The following SLC25A31 variants were observed in gnomAD, a reference collection of about 807,000 sequenced individuals.
The protein encoded by SLC25A31 is solute carrier family 25 member 31.
SLC25A31 carries 40 observed loss-of-function variants against 36.2 expected under a neutral mutation model. That is an observed-to-expected ratio of 1.10 (90% CI 0.86 to 1.44). SLC25A31 has a LOEUF of 1.44. Ranked by LOEUF, SLC25A31 falls within the 40% of genes most tolerant of loss-of-function variation. The pLI, the probability that SLC25A31 is intolerant of heterozygous loss-of-function variation, is 0.00. For synonymous variants in SLC25A31, 143 were observed against 149.7 expected (o/e 0.96, Z 0.32); for missense variants, 350 against 397.1 (o/e 0.88, Z 1.01).
chr4:127,768,731 T>G, intron 4 of SLC25A31, 21 bp from the exon 5 acceptor site: 1 of 1,566,164 alleles, frequency 6.4e-7, no homozygotes. Flanking sequence ...GATAGTTACT[T>G]GGCACATTTT....
At chr4:127,764,691 C>T (rs975783314) in intron 3 of SLC25A31, among the ~76,000 whole-genome samples, 1 of 151,962 alleles carries the variant, frequency 6.6e-6, no homozygotes, top group Non-Finnish European at 1.5e-5. Flanking sequence ...GTTAGATGCA[C>T]AAATCTCATC....
At chr4:127,749,649 C>T (rs566077456) in intron 2 of SLC25A31, among the ~76,000 whole-genome samples, 2 of 147,808 alleles carry the variant, frequency 1.4e-5, no homozygotes, top group South Asian at 4.4e-4. Context: ...GTGGAGATTG[C>T]AGTGAGCTGA....
intron 1 of SLC25A31, among the ~76,000 whole-genome samples, chr4:127,732,751 T>C (rs1414471221): frequency 1.3e-5 from 2 of 152,202 alleles, no homozygotes; most frequent in African/African-American, 2.4e-5. Context: ...TTTTCTATTA[T>C]ATATAAAGCT....
At chr4:127,742,996 A>G (rs1023336102) in intron 1 of SLC25A31, among the ~76,000 whole-genome samples, 1 of 152,030 alleles carries the variant, frequency 6.6e-6, no homozygotes, top group South Asian at 2.1e-4. Context: ...TTCATCTATT[A>G]TAATTTTAGA....
At chr4:127,766,467 A>G (rs114303993) in intron 3 of SLC25A31, among the ~76,000 whole-genome samples, 3,757 of 150,684 alleles carry the variant, frequency 0.025, 142 homozygotes, top group African/African-American at 0.087. Flanking sequence ...TGCCCTGCCA[A>G]TTTTTCCTTT....
In SLC25A31 at chr4:127,764,347, C is replaced by T. The variant is rs977190750; in HGVS notation, c.465C>T (p.Val155=). ...ATTTTGCCCGAACCCGATTAGGTGT[C>T]GATATTGGAAAAGGTATGAGATTTT... The part of the protein sequence containing the change: ...PLDFARTRLG[V]DIGKGPEERQ... The change falls in exon 3 of 6, where the codon GTC becomes GTT. Residue 155 remains valine (V), a synonymous_variant. Transcript: ENST00000281154. 7 of 1,611,772 alleles carry T rather than the reference C, an allele frequency of 4.3e-6. No individual in the cohort carries two copies. Among genetic ancestry groups the T allele is most frequent in the African/African-American group, 4.0e-5 (3 of 74,786 alleles).
At chr4:127,768,581 T>C (rs1732290092) in intron 4 of SLC25A31, among the ~76,000 whole-genome samples, 171 bp from the exon 5 acceptor site, 2 of 152,174 alleles carry the variant, frequency 1.3e-5, no homozygotes, top group African/African-American at 4.8e-5. Context: ...AATATAGTCA[T>C]GTGTGGCATT....
chr4:127,765,529 C>T (rs566280766), intron 3 of SLC25A31, among the ~76,000 whole-genome samples: 1 of 152,168 alleles, frequency 6.6e-6, no homozygotes, highest in Non-Finnish European at 1.5e-5. Context: ...TATTGAGTGC[C>T]TTCTGGAATA....
At chr4:127,750,358 A>G (rs1731906419) in intron 2 of SLC25A31, among the ~76,000 whole-genome samples, 1 of 152,238 alleles carries the variant, frequency 6.6e-6, no homozygotes, top group Admixed American at 6.5e-5. Context: ...AATTGATTAT[A>G]TAGTCAAAAA....
chr4:127,756,990 T>C (rs1732043133), intron 2 of SLC25A31, among the ~76,000 whole-genome samples: 1 of 152,220 alleles, frequency 6.6e-6, no homozygotes, highest in Non-Finnish European at 1.5e-5. Context: ...TGAAAATTTA[T>C]GTTCATACAA....
intron 2 of SLC25A31, among the ~76,000 whole-genome samples, chr4:127,749,036 A>G (rs1731873771): frequency 6.6e-6 from 1 of 152,074 alleles, no homozygotes. Flanking sequence ...AAAACCATAC[A>G]TGAACAAAAT....
At chr4:127,746,600 TTA>T (rs1464657402) in intron 2 of SLC25A31, among the ~76,000 whole-genome samples, 1 of 152,210 alleles carries the variant, frequency 6.6e-6, no homozygotes, top group Non-Finnish European at 1.5e-5. Context: ...GAGTGTCTGT[TTA>T]TGTCCTTTGC....
At chr4:127,741,557 G>A (rs576580487) in intron 1 of SLC25A31, among the ~76,000 whole-genome samples, 1 of 152,208 alleles carries the variant, frequency 6.6e-6, no homozygotes, top group African/African-American at 2.4e-5. Flanking sequence ...TGCATCCCAG[G>A]CATAAATCCC....
intron 4 of SLC25A31, among the ~76,000 whole-genome samples, chr4:127,767,600 G>T (rs766948812): frequency 6.6e-6 from 1 of 152,108 alleles, no homozygotes; most frequent in African/African-American, 2.4e-5. Flanking sequence ...ATAATAAAAT[G>T]TCATTTTGAG....
chr4:127,752,499 A>G (rs1731954163), intron 2 of SLC25A31, among the ~76,000 whole-genome samples: 1 of 152,018 alleles, frequency 6.6e-6, no homozygotes, highest in Non-Finnish European at 1.5e-5. Context: ...GGACACCAAC[A>G]TGGCACATGT....
rs983260249 is a variant in SLC25A31 at position 127,771,220 on chromosome 4, G to T, written c.760-2166G>T. Among the ~76,000 whole-genome samples, 13 of 152,130 alleles carry T rather than the reference G, an allele frequency of 8.5e-5. 1 individual carries two copies. The highest frequency in any genetic ancestry group is 8.5e-4 in the Admixed American group (13 of 15,282). On this transcript the variant is annotated intron_variant, in intron 5 of 5. Transcript: ENST00000281154. ...AATCCACCCACCACAGCCTCCCGAAGTGGTAGGATTACAGGCCTGAACCAC... is the reference window on the plus strand; with the variant it reads ...AATCCACCCACCACAGCCTCCCGAATTGGTAGGATTACAGGCCTGAACCAC...
intron 1 of SLC25A31, among the ~76,000 whole-genome samples, chr4:127,733,561 T>C (rs969955726): frequency 6.6e-6 from 1 of 152,230 alleles, no homozygotes; most frequent in African/African-American, 2.4e-5. Flanking sequence ...AAAATGTCAA[T>C]ATGCAGTTAA....
chr4:127,739,520 A>G (rs1345196089), intron 1 of SLC25A31, among the ~76,000 whole-genome samples: 1 of 152,072 alleles, frequency 6.6e-6, no homozygotes, highest in Non-Finnish European at 1.5e-5. Context: ...AGCTCTCTTT[A>G]AGATTTTTTC....
intron 4 of SLC25A31, 116 bp downstream of exon 4, chr4:127,767,336 AAAAG>A: frequency 9.9e-7 from 1 of 1,010,410 alleles, no homozygotes; most frequent in East Asian, 3.0e-5. Context: ...CAGTGATGAA[AAAAG>A]AGAGACATGA....
Sources: gnomAD v4.1 joint callset for allele counts (sites outside exome capture counted in the v4.1 genomes callset) on GRCh38, gnomAD v4.1.1 for gene constraint, MANE v1.5 for transcripts, NCBI Gene and HGNC (gene_info 2026-07-23, HGNC 2026-07-21) for gene names.